ATL1: variants seen among roughly 807,000 people sequenced by gnomAD.
ATL1 encodes the protein atlastin GTPase 1.
A neutral mutation model predicts 75.5 loss-of-function variants in ATL1; 31 were observed. The observed-to-expected ratio is 0.41, with a 90% CI of 0.31 to 0.55. The LOEUF (loss-of-function observed/expected upper bound fraction) is 0.55, where lower values mean the gene tolerates loss of function less well. Among genes scored for constraint, ATL1 ranks in the 20% least tolerant of loss-of-function variants. The probability of loss-of-function intolerance (pLI) is 0.27; values close to 1 mark genes in which losing one functional copy is unlikely to be tolerated. For synonymous variants in ATL1, 226 were observed against 233.3 expected (o/e 0.97, Z 0.28); for missense variants, 405 against 662.6 (o/e 0.61, Z 4.27).
intron 1 of ATL1, among the ~76,000 whole-genome samples, chr14:50,583,648 A>ATCT (rs1317537599): frequency 6.6e-6 from 1 of 152,242 alleles, no homozygotes; most frequent in Non-Finnish European, 1.5e-5. Context: ...TTTCAAACTG[A>ATCT]TCTATAAATG....
In ATL1 at chr14:50,632,297, A is replaced by G. The variant is rs191729308; in HGVS notation, c.1635A>G (p.Pro545=). 5.9e-5 allele frequency: 96 copies of G among 1,613,618 alleles called. No individual in the cohort carries two copies. In the East Asian group the frequency reaches 1.9e-3, roughly 32 times the overall value. The change falls in exon 14 of 14, where the codon CCA becomes CCG. Residue 545 remains proline (P), a synonymous_variant. Coordinates refer to ENST00000358385, the MANE Select transcript of ATL1 (RefSeq NM_015915.5). ...RHLYHQAFPT[P]KSESTEQSEK... ...TGTATCATCAAGCTTTCCCTACACC[A>G]AAGTCGGAATCTACTGAACAATCAG...
intron 1 of ATL1, among the ~76,000 whole-genome samples, chr14:50,569,093 A>G (rs2038931364): frequency 6.6e-6 from 1 of 152,048 alleles, no homozygotes; most frequent in South Asian, 2.1e-4. Context: ...ACTCATGGCT[A>G]TAATCCAAGC....
chr14:50,573,855 C>G (rs2038977183), intron 1 of ATL1, among the ~76,000 whole-genome samples: 1 of 152,194 alleles, frequency 6.6e-6, no homozygotes, highest in Non-Finnish European at 1.5e-5. Flanking sequence ...ATTGTTACAT[C>G]TTCCTAATAA....
chr14:50,622,190 T>G (rs1474809150), intron 10 of ATL1, among the ~76,000 whole-genome samples: 4 of 152,160 alleles, frequency 2.6e-5, no homozygotes, highest in African/African-American at 9.7e-5. Flanking sequence ...TAACACACAG[T>G]AGAAAAGCAG....
chr14:50,538,566 T>C (rs1408948797), intron 1 of ATL1, among the ~76,000 whole-genome samples: 1 of 152,216 alleles, frequency 6.6e-6, no homozygotes, highest in Non-Finnish European at 1.5e-5. Flanking sequence ...CCTCACGCAA[T>C]AACAGGTATG....
At chr14:50,563,515 G>C (rs1326114312) in intron 1 of ATL1, among the ~76,000 whole-genome samples, 1 of 152,132 alleles carries the variant, frequency 6.6e-6, no homozygotes, top group Non-Finnish European at 1.5e-5. Flanking sequence ...AGGCATCAAG[G>C]TAGACAATCC....
intron 1 of ATL1, among the ~76,000 whole-genome samples, chr14:50,561,765 GACCT>G (rs1240930247): frequency 6.6e-6 from 1 of 152,132 alleles, no homozygotes; most frequent in Non-Finnish European, 1.5e-5. Context: ...AGTTTTAACA[GACCT>G]ACCTGACTAT....
intron 6 of ATL1, among the ~76,000 whole-genome samples, chr14:50,600,494 A>G (rs1057359669): frequency 6.6e-6 from 1 of 152,228 alleles, no homozygotes; most frequent in Non-Finnish European, 1.5e-5. Flanking sequence ...ATTTTAGATT[A>G]AAGCAACCAA....
intron 5 of ATL1, 134 bp from the exon 6 acceptor site, chr14:50,595,442 A>G: frequency 1.4e-6 from 1 of 729,272 alleles, no homozygotes; most frequent in Admixed American, 2.5e-5. Context: ...AATCTTCTTA[A>G]TGTAATATTC....
Position 50,632,304 on chromosome 14 carries a change from GA to G in ATL1, c.1644del (p.Glu548AspfsTer58), listed in dbSNP as rs1406548713. On this transcript the variant is annotated frameshift_variant, in exon 14 of 14. Transcript: ENST00000358385. LOFTEE classifies it high-confidence loss of function. ...TCAAGCTTTCCCTACACCAAAGTCG[GA>G]ATCTACTGAACAATCAGAAAAGAAA... ...YHQAFPTPKS[E>X]STEQSEKKKM is the part of the protein sequence containing the mutation. 1.2e-6 allele frequency: 2 copies of G among 1,613,242 alleles called. No homozygotes were observed. The highest frequency in any genetic ancestry group is 1.7e-6 in the Non-Finnish European group (2 of 1,179,400).
chr14:50,565,307 A>T (rs1016940929), intron 1 of ATL1, among the ~76,000 whole-genome samples: 3 of 151,654 alleles, frequency 2.0e-5, no homozygotes, highest in African/African-American at 7.3e-5. Context: ...ATAAATAAAT[A>T]AAAAACAAAC....
At chr14:50,549,155 C>A (rs991814294) in intron 1 of ATL1, among the ~76,000 whole-genome samples, 1 of 152,138 alleles carries the variant, frequency 6.6e-6, no homozygotes, top group Non-Finnish European at 1.5e-5. Context: ...CCAGGCCAAC[C>A]ATTGTATATA....
At chr14:50,567,930 G>A (rs1442697567) in intron 1 of ATL1, among the ~76,000 whole-genome samples, 4 of 152,158 alleles carry the variant, frequency 2.6e-5, no homozygotes, top group African/African-American at 4.8e-5. Flanking sequence ...GAATGTTCCA[G>A]GTACACAAGA....
At chr14:50,553,515 A>G (rs1236223255) in intron 1 of ATL1, among the ~76,000 whole-genome samples, 1 of 152,190 alleles carries the variant, frequency 6.6e-6, no homozygotes, top group East Asian at 1.9e-4. Flanking sequence ...AATGTAAACT[A>G]GTACAACCAC....
At position 50,629,992 on chromosome 14, in the gene ATL1, C is replaced by T. The variant is rs2039564177; in HGVS notation, c.1552-3C>T. 1 of 1,592,098 alleles carries T rather than the reference C, an allele frequency of 6.3e-7. No individual in the cohort carries two copies. The highest frequency in any genetic ancestry group is 1.1e-5 in the South Asian group (1 of 88,136). ...TTTTCTTTTTAATCTGCCTTTGCCA[C>T]AGGGAAGTACAAATGAGGTAAGTTA... is the stretch of plus-strand genomic sequence containing the variant. On this transcript the variant is annotated splice_polypyrimidine_tract_variant and splice_region_variant and intron_variant, in intron 12 of 13. Transcript: ENST00000358385.
rs1390529758 is a variant in ATL1 at position 50,587,681 on chromosome 14, T to A, written c.35-150T>A. 6 of 1,072,522 alleles carry A rather than the reference T, an allele frequency of 5.6e-6. No homozygotes were observed. The Admixed American group carries it at 1.2e-4, about 21-fold the overall frequency. The allele number at this position is 1,072,522 out of a possible 1,614,324, so 66.4% of individuals were successfully genotyped here. A position where few individuals can be genotyped will look rare whatever the true frequency, so the allele number is the denominator to read the frequency against. On this transcript the variant is annotated intron_variant, in intron 1 of 13. Transcript: ENST00000358385. Reference sequence around the variant, plus strand: ...ACCTCAGCCTCCCAAGGTGCTAGGATTACAGGCATGAGCCACTGCACCCAG... The same window carrying A: ...ACCTCAGCCTCCCAAGGTGCTAGGAATACAGGCATGAGCCACTGCACCCAG...
intron 6 of ATL1, among the ~76,000 whole-genome samples, chr14:50,602,033 G>A (rs906099937): frequency 6.6e-6 from 1 of 152,140 alleles, no homozygotes; most frequent in African/African-American, 2.4e-5. Flanking sequence ...GCCCCACATT[G>A]TTCTGTATTG....
intron 6 of ATL1, among the ~76,000 whole-genome samples, chr14:50,601,068 G>A (rs369316136): frequency 3.3e-5 from 5 of 152,158 alleles, no homozygotes; most frequent in African/African-American, 7.2e-5. Flanking sequence ...TGATTGCACC[G>A]CTGCACTCCA....
At chr14:50,572,948 A>G (rs1405614780) in intron 1 of ATL1, among the ~76,000 whole-genome samples, 1 of 152,138 alleles carries the variant, frequency 6.6e-6, no homozygotes. Flanking sequence ...TCATGGCATA[A>G]GGGGACGCAA....
Sources: gnomAD v4.1 joint callset for allele counts (sites outside exome capture counted in the v4.1 genomes callset) on GRCh38, gnomAD v4.1.1 for gene constraint, MANE v1.5 for transcripts, NCBI Gene and HGNC (gene_info 2026-07-23, HGNC 2026-07-21) for gene names.